Variants in GSK3B observed in about 807,000 individuals in gnomAD.
GSK3B encodes glycogen synthase kinase-3 beta.
A neutral mutation model predicts 56.4 loss-of-function variants in GSK3B; 15 were observed. That is an observed-to-expected ratio of 0.27 (90% CI 0.18 to 0.41). GSK3B has a LOEUF of 0.41. GSK3B is among the 10% of genes least tolerant of loss of function. The pLI, the probability that GSK3B is intolerant of heterozygous loss-of-function variation, is 1.00. For missense variants in GSK3B, 300 were observed against 513.4 expected (o/e 0.58, Z 4.02); for synonymous variants, 181 against 188.9 (o/e 0.96, Z 0.34).
chr3:119,976,168 T>A (rs1302757189), intron 2 of GSK3B, among the ~76,000 whole-genome samples: 1 of 152,206 alleles, frequency 6.6e-6, no homozygotes, highest in Admixed American at 6.5e-5. Context: ...AGGTTAATAT[T>A]TCTTCAAACT....
chr3:119,997,418 C>A (rs982391168), intron 2 of GSK3B, among the ~76,000 whole-genome samples: 2 of 152,128 alleles, frequency 1.3e-5, no homozygotes, highest in African/African-American at 4.8e-5. Context: ...AATTACTACA[C>A]ATATCTAGAT....
chr3:120,041,773 C>A (rs941978778), intron 1 of GSK3B, among the ~76,000 whole-genome samples: 1 of 152,138 alleles, frequency 6.6e-6, no homozygotes, highest in Non-Finnish European at 1.5e-5. Context: ...ATAGATGGCT[C>A]CTCCCAAGTG....
At position 119,900,210 on chromosome 3, in the gene GSK3B, C is replaced by T. The variant is rs2056611936; in HGVS notation, c.813+5545G>A. ...TCAAGCTTTTTAGAGAAGATATACC[C>T]AAATTCTAAAGGCCAGTTACAAAAA... On this transcript the variant is annotated intron_variant, in intron 7 of 10. Transcript: ENST00000264235. Among the ~76,000 whole-genome samples the T allele has an allele frequency of 2.6e-5, 4 of 151,854 alleles. No individual in the cohort carries two copies. In the South Asian group the frequency reaches 8.3e-4, roughly 31 times the overall value.
chr3:119,884,754 G>A (rs913525765), intron 7 of GSK3B, among the ~76,000 whole-genome samples: 1 of 152,098 alleles, frequency 6.6e-6, no homozygotes, highest in Admixed American at 6.6e-5. Context: ...TAAAGGTTTT[G>A]TAAGATCACG....
At chr3:119,927,441 G>T (rs950080407) in intron 3 of GSK3B, among the ~76,000 whole-genome samples, 2 of 152,012 alleles carry the variant, frequency 1.3e-5, no homozygotes, top group Admixed American at 6.6e-5. Flanking sequence ...GGGAAGGCAG[G>T]GTAGGTATAC....
intron 2 of GSK3B, among the ~76,000 whole-genome samples, chr3:119,952,404 C>T (rs1414014782): frequency 1.3e-5 from 2 of 150,560 alleles, no homozygotes; most frequent in African/African-American, 4.9e-5. Context: ...AGGAGAATTG[C>T]TTGAGCCCGG....
At chr3:119,829,085 T>C (rs373665551) in intron 10 of GSK3B, among the ~76,000 whole-genome samples, 2 of 152,228 alleles carry the variant, frequency 1.3e-5, no homozygotes, top group East Asian at 3.8e-4. Flanking sequence ...TAACACTTCA[T>C]TCGTGACTCC....
At chr3:120,086,443 T>C (rs1406733570) in intron 1 of GSK3B, among the ~76,000 whole-genome samples, 2 of 152,180 alleles carry the variant, frequency 1.3e-5, no homozygotes, top group Non-Finnish European at 2.9e-5. Context: ...TTTTATGTAG[T>C]TTATGCAGAA....
chr3:120,094,345 GCTC>G lies in GSK3B; in HGVS notation c.-914_-912del, dbSNP rs1240580584. The G allele has an allele frequency of 3.5e-6, 1 of 288,864 alleles. No individual in the cohort carries two copies. Among genetic ancestry groups the G allele is most frequent in the African/African-American group, 2.2e-5 (1 of 45,232 alleles). The allele number at this position is 288,864 out of a possible 1,614,324, so 17.9% of individuals were successfully genotyped here. ...AGCCCTGTCAGCGGCTGCGGGGCCG[GCTC>G]CTCCTCGCTTCCTTCCTTCCTTTGT... is the stretch of plus-strand genomic sequence containing the variant. On this transcript the variant is annotated 5_prime_UTR_variant, in exon 1 of 11. Coordinates refer to ENST00000264235, the MANE Select transcript of GSK3B (RefSeq NM_001146156.2).
intron 9 of GSK3B, among the ~76,000 whole-genome samples, chr3:119,846,903 T>C (rs1169634944): frequency 3.9e-5 from 6 of 152,160 alleles, no homozygotes; most frequent in African/African-American, 9.7e-5. Context: ...CCACCAATGA[T>C]AGACTGGATA....
chr3:120,061,074 CA>C (rs2058232072), intron 1 of GSK3B, among the ~76,000 whole-genome samples: 1 of 152,204 alleles, frequency 6.6e-6, no homozygotes, highest in Non-Finnish European at 1.5e-5. Context: ...TGGCAGAAAT[CA>C]AAGGCTGTAC....
intron 2 of GSK3B, among the ~76,000 whole-genome samples, chr3:119,948,305 C>G (rs1053468956): frequency 6.6e-6 from 1 of 152,056 alleles, no homozygotes; most frequent in East Asian, 1.9e-4. Flanking sequence ...GATGAGGATG[C>G]GTTGGGACCA....
At chr3:119,928,165 G>A (rs1383180566) in intron 3 of GSK3B, among the ~76,000 whole-genome samples, 1 of 152,244 alleles carries the variant, frequency 6.6e-6, no homozygotes, top group Non-Finnish European at 1.5e-5. Flanking sequence ...TGGTGATGAA[G>A]TAAGGAGAGA....
At chr3:120,040,504 T>C (rs921690942) in intron 1 of GSK3B, among the ~76,000 whole-genome samples, 7 of 151,940 alleles carry the variant, frequency 4.6e-5, no homozygotes, top group South Asian at 4.2e-4. Context: ...CAAGGAAGAA[T>C]AGGCAAGAAA....
chr3:120,051,893 C>T (rs1265328389), intron 1 of GSK3B, among the ~76,000 whole-genome samples: 1 of 151,798 alleles, frequency 6.6e-6, no homozygotes, highest in African/African-American at 2.4e-5. Flanking sequence ...CTGAATTTAA[C>T]AACAAGGTCT....
chr3:120,084,163 T>C (rs1272380926), intron 1 of GSK3B, among the ~76,000 whole-genome samples: 1 of 152,214 alleles, frequency 6.6e-6, no homozygotes, highest in Non-Finnish European at 1.5e-5. Context: ...GATCACTGTA[T>C]ACTACTTGTT....
chr3:120,086,147 G>C (rs2058461485), intron 1 of GSK3B, among the ~76,000 whole-genome samples: 2 of 150,998 alleles, frequency 1.3e-5, no homozygotes, highest in Non-Finnish European at 2.9e-5. Context: ...CAAACAAAAG[G>C]TACAAGCCAG....
At chr3:119,891,751 TG>T (rs2056504741) in intron 7 of GSK3B, among the ~76,000 whole-genome samples, 1 of 152,146 alleles carries the variant, frequency 6.6e-6, no homozygotes, top group Non-Finnish European at 1.5e-5. Context: ...CTTCTGTAAG[TG>T]TATTTCATAC....
At chr3:120,092,445 C>G (rs750370652) in intron 1 of GSK3B, among the ~76,000 whole-genome samples, 6 of 152,086 alleles carry the variant, frequency 3.9e-5, no homozygotes, top group Non-Finnish European at 8.8e-5. Flanking sequence ...TTTAAGGAAC[C>G]CGCCAGAACA....
Sources: gnomAD v4.1 joint callset for allele counts (sites outside exome capture counted in the v4.1 genomes callset) on GRCh38, gnomAD v4.1.1 for gene constraint, MANE v1.5 for transcripts, NCBI Gene and HGNC (gene_info 2026-07-23, HGNC 2026-07-21) for gene names.